Variants in ANK2 observed in about 807,000 individuals in gnomAD.
ANK2 encodes the protein ankyrin 2.
ANK2 carries 83 observed loss-of-function variants against 360.5 expected under a neutral mutation model. That is an observed-to-expected ratio of 0.23 (90% confidence interval 0.19 to 0.28). The LOEUF (loss-of-function observed/expected upper bound fraction) is 0.28. Ranked by LOEUF, ANK2 falls within the 10% of genes least tolerant of loss-of-function variation. ANK2 has a pLI of 1.00. For synonymous variants in ANK2, 1,740 were observed against 1,759.5 expected (o/e 0.99, Z 0.28); for missense variants, 4,201 against 4,795.7 (o/e 0.88, Z 3.66).
chr4:113,333,292 G>A (rs2153945009), intron 29 of ANK2, 84 bp downstream of exon 29: 1 of 1,483,040 alleles, frequency 6.7e-7, no homozygotes, highest in East Asian at 2.3e-5. Flanking sequence ...CTAGGGGTGT[G>A]TGTATATGTG....
chr4:112,852,520 TA>T (rs1479188236), intron 1 of ANK2, among the ~76,000 whole-genome samples: 1 of 152,238 alleles, frequency 6.6e-6, no homozygotes, highest in East Asian at 1.9e-4. Context: ...AGGAAATAAT[TA>T]GTAAATTGTA....
rs186957793 is a variant in ANK2, at chr4:113,225,512, G to A, written c.385-6649G>A. The stretch of plus-strand genomic sequence containing the variant: ...AACCAAATGATGAATCTTCACTTGT[G>A]TAAGGGAAGAATAAAGTTATGCATG... On this transcript the variant is annotated intron_variant, in intron 4 of 45. Coordinates refer to ENST00000357077, the MANE Select transcript of ANK2 (RefSeq NM_001148.6). 4.2e-3 allele frequency among the ~76,000 whole-genome samples: 638 copies of A among 152,202 alleles called. 8 individuals carry two copies. Among genetic ancestry groups the A allele is most frequent in the Non-Finnish European group, 6.6e-3 (446 of 67,984 alleles).
At chr4:113,171,186 T>A (rs1196283052) in intron 1 of ANK2, among the ~76,000 whole-genome samples, 1 of 152,176 alleles carries the variant, frequency 6.6e-6, no homozygotes, top group Non-Finnish European at 1.5e-5. Flanking sequence ...TCATAATCAG[T>A]TGGGAAACAC....
intron 14 of ANK2, among the ~76,000 whole-genome samples, chr4:113,271,040 C>A (rs1479802010): frequency 1.3e-5 from 2 of 152,170 alleles, no homozygotes; most frequent in Non-Finnish European, 2.9e-5. Flanking sequence ...TCCTGAAATT[C>A]AAGATTGTGC....
chr4:112,709,252 G>A, the ANK2 span, among the ~76,000 whole-genome samples: 2 of 152,060 alleles, frequency 1.3e-5, no homozygotes, highest in Non-Finnish European at 2.9e-5. Context: ...AATTAGTTAT[G>A]AAAATAGATT....
chr4:112,767,315 C>G, the ANK2 span, among the ~76,000 whole-genome samples: 40,231 of 151,882 alleles, frequency 0.26, 5,851 homozygotes, highest in East Asian at 0.57. Context: ...AATCCTAGAA[C>G]TTTGGGAGGC....
chr4:113,128,523 T>C (rs985157630), intron 1 of ANK2, among the ~76,000 whole-genome samples: 3 of 152,206 alleles, frequency 2.0e-5, no homozygotes, highest in Non-Finnish European at 4.4e-5. Flanking sequence ...GAAGTCTCAC[T>C]CTGTCACCAG....
chr4:113,222,247 C>T (rs2099159703), intron 4 of ANK2, among the ~76,000 whole-genome samples: 1 of 152,160 alleles, frequency 6.6e-6, no homozygotes, highest in Non-Finnish European at 1.5e-5. Flanking sequence ...AACATTTGAA[C>T]ATTCTTCATC....
chr4:113,218,970 G>T (rs1159798901), intron 4 of ANK2, among the ~76,000 whole-genome samples: 1 of 152,088 alleles, frequency 6.6e-6, no homozygotes, highest in South Asian at 2.1e-4. Context: ...GAAAATAAAA[G>T]CACCCTATAG....
intron 1 of ANK2, among the ~76,000 whole-genome samples, chr4:112,861,091 G>T (rs1369490949): frequency 6.6e-6 from 1 of 152,224 alleles, no homozygotes; most frequent in Non-Finnish European, 1.5e-5. Flanking sequence ...GCGGGGATAT[G>T]CAGGAGGAGC....
At position 113,353,451 on chromosome 4, in the gene ANK2, C is replaced by T; in HGVS notation, c.4833C>T (p.Ile1611=). The T allele has an allele frequency of 6.2e-7, 1 of 1,614,028 alleles. No individual in the cohort carries two copies. Among genetic ancestry groups the T allele is most frequent in the South Asian group, 1.1e-5 (1 of 91,080 alleles). The change falls in exon 38 of 46, where the codon ATC becomes ATT. Residue 1611 remains isoleucine (I), a synonymous_variant. Transcript: ENST00000357077. ...EEARQKAPLE[I]TEYPCVEVRI... The stretch of plus-strand genomic sequence containing the variant: ...CTAGGCAAAAAGCACCTTTAGAAAT[C>T]ACTGAATATCCATGTGTAGAAGTTA...
chr4:113,328,655 G>A (rs1037499590), intron 26 of ANK2, among the ~76,000 whole-genome samples: 1 of 152,116 alleles, frequency 6.6e-6, no homozygotes, highest in Admixed American at 6.5e-5. Flanking sequence ...AAAACTTTAA[G>A]CGGGCTAGGT....
chr4:113,289,977 G>A (rs2066708493), intron 20 of ANK2, among the ~76,000 whole-genome samples: 2 of 152,150 alleles, frequency 1.3e-5, no homozygotes, highest in South Asian at 4.1e-4. Flanking sequence ...AAATGCAACA[G>A]TACAGTGAGA....
Position 113,366,981 on chromosome 4 carries a change from C to T in ANK2, c.11033-585C>T, listed in dbSNP as rs72675285. Among the ~76,000 whole-genome samples, 611 of 152,298 alleles carry T rather than the reference C, an allele frequency of 4.0e-3. 3 individuals are homozygous for T. The highest frequency in any genetic ancestry group is 0.01 in the Middle Eastern group (3 of 294). ...TGCCAGTCACTCCTCTGCTAAACAT[C>T]TTTCAATGACTCCTCATTTCCCTGG... On this transcript the variant is annotated intron_variant, in intron 41 of 45. Transcript: ENST00000357077.
At chr4:112,878,442 T>G (rs1252055947) in intron 1 of ANK2, among the ~76,000 whole-genome samples, 1 of 152,178 alleles carries the variant, frequency 6.6e-6, no homozygotes, top group East Asian at 1.9e-4. Flanking sequence ...TTCTCCTGCC[T>G]CAGCCTCCCG....
the ANK2 span, among the ~76,000 whole-genome samples, chr4:112,807,144 A>G: frequency 1.5e-4 from 23 of 152,274 alleles, no homozygotes; most frequent in Middle Eastern, 3.4e-3. Context: ...ATACATCTCA[A>G]TTAAGCAGTG....
intron 1 of ANK2, among the ~76,000 whole-genome samples, chr4:112,840,907 G>A (rs2061952600): frequency 6.6e-6 from 1 of 152,158 alleles, no homozygotes; most frequent in Admixed American, 6.5e-5. Context: ...CATTTAAAAT[G>A]CAGAAAGTAC....
Position 113,356,780 on chromosome 4 carries a change from A to G in ANK2, c.8162A>G (p.Lys2721Arg), listed in dbSNP as rs750255630. 2 of 1,614,172 alleles carry G rather than the reference A, an allele frequency of 1.2e-6. No homozygotes were observed. Among genetic ancestry groups the G allele is most frequent in the Middle Eastern group, 1.6e-4 (1 of 6,062 alleles). The change falls in exon 38 of 46, where the codon AAG becomes AGG. Residue 2721 changes from lysine to arginine, a missense_variant. Physicochemically the swap from Lys to Arg is conservative, Grantham distance 26 (BLOSUM62 2). Coordinates refer to ENST00000357077, the MANE Select transcript of ANK2 (RefSeq NM_001148.6). ...QPVVSKQYTFKMNEDTQEEPG... is the reference protein window; with the variant it reads ...QPVVSKQYTFRMNEDTQEEPG... Reference sequence around the variant, plus strand: ...GTCGTTTCCAAACAATATACTTTCAAGATGAATGAAGATACTCAGGAAGAG... The same window carrying G: ...GTCGTTTCCAAACAATATACTTTCAGGATGAATGAAGATACTCAGGAAGAG...
rs571290658 is a variant in ANK2, at chr4:112,820,560, C to T, written c.-40+2296C>T. On this transcript the variant is annotated intron_variant, in intron 1 of 30. Transcript: ENST00000503271. ...CATAGTAAAATGACTGTAATTTCAC[C>T]GTCTTTCCCGAAGAATGTCTTGCAA... is the stretch of plus-strand genomic sequence containing the variant. Among the ~76,000 whole-genome samples, 9 of 152,072 alleles carry T rather than the reference C, an allele frequency of 5.9e-5. No individual in the cohort carries two copies. The East Asian group carries it at 7.7e-4, about 13-fold the overall frequency.
Sources: gnomAD v4.1 joint callset for allele counts (sites outside exome capture counted in the v4.1 genomes callset) on GRCh38, gnomAD v4.1.1 for gene constraint, MANE v1.5 for transcripts, NCBI Gene and HGNC (gene_info 2026-07-23, HGNC 2026-07-21) for gene names.